Variants in CDK6 observed in about 807,000 individuals in gnomAD.
The protein encoded by CDK6 is cyclin-dependent kinase 6.
CDK6 carries 6 observed loss-of-function variants against 37.1 expected under a neutral mutation model. The ratio of observed to expected loss-of-function variants is 0.16; its 90% CI spans 0.09 to 0.32. The LOEUF (loss-of-function observed/expected upper bound fraction) is 0.32. Ranked by LOEUF, CDK6 falls within the 10% of genes least tolerant of loss-of-function variation. CDK6 has a pLI of 1.00. For missense variants in CDK6, 224 were observed against 418.9 expected (o/e 0.53, Z 4.06); for synonymous variants, 160 against 161.3 (o/e 0.99, Z 0.06).
intron 4 of CDK6, among the ~76,000 whole-genome samples, chr7:92,680,442 A>G (rs1019482792): frequency 8.0e-5 from 12 of 150,022 alleles, no homozygotes; most frequent in Middle Eastern, 6.8e-3. Context: ...TCAGAAAAAA[A>G]AAAAAAAAAA....
At chr7:92,627,669 G>A (rs1795958704) in intron 5 of CDK6, among the ~76,000 whole-genome samples, 1 of 151,388 alleles carries the variant, frequency 6.6e-6, no homozygotes, top group African/African-American at 2.4e-5. Context: ...TGGGTATGGC[G>A]TTTCTTTTTG....
At chr7:92,641,148 C>A (rs1440097634) in intron 5 of CDK6, among the ~76,000 whole-genome samples, 1 of 151,984 alleles carries the variant, frequency 6.6e-6, no homozygotes, top group East Asian at 1.9e-4. Context: ...TTTTTCTTTC[C>A]TCTTTCTTTT....
intron 4 of CDK6, among the ~76,000 whole-genome samples, chr7:92,698,327 CA>C (rs1424461458): frequency 6.6e-6 from 1 of 152,226 alleles, no homozygotes; most frequent in African/African-American, 2.4e-5. Context: ...AGGAATGTTA[CA>C]GGGGGGCCTC....
At chr7:92,756,732 C>A (rs1273002755) in intron 3 of CDK6, among the ~76,000 whole-genome samples, 1 of 152,120 alleles carries the variant, frequency 6.6e-6, no homozygotes, top group African/African-American at 2.4e-5. Context: ...CATTCTTTGG[C>A]CATCCTGTTA....
rs1795592154 is a variant in CDK6 at position 92,612,805 on chromosome 7, CA to C, written c.*2334del. The C allele has an allele frequency of 4.3e-6, 1 of 232,956 alleles. No homozygotes were observed. The highest frequency in any genetic ancestry group is 2.2e-5 in the African/African-American group (1 of 45,338). The allele number at this position is 232,956 out of a possible 1,614,324, so 14.4% of individuals were successfully genotyped here. A position where few individuals can be genotyped will look rare whatever the true frequency, so the allele number is the denominator to read the frequency against. ...ACTTATGAAAACACTTTTACAACAG[CA>C]AAAACTAAAGCTATGTTCACTCTAG... is the stretch of plus-strand genomic sequence containing the variant. On this transcript the variant is annotated 3_prime_UTR_variant, in exon 8 of 8. Transcript: ENST00000424848.
At chr7:92,657,957 A>T (rs1796742825) in intron 5 of CDK6, among the ~76,000 whole-genome samples, 1 of 152,152 alleles carries the variant, frequency 6.6e-6, no homozygotes, top group Admixed American at 6.6e-5. Context: ...CCTGAGCTCA[A>T]GTGATTCTCC....
At chr7:92,758,534 A>G (rs1048041806) in intron 3 of CDK6, among the ~76,000 whole-genome samples, 3 of 152,162 alleles carry the variant, frequency 2.0e-5, no homozygotes, top group Non-Finnish European at 2.9e-5. Context: ...TGGTTACTGC[A>G]GCCCTGTAGT....
At chr7:92,635,447 A>G (rs1796148153) in intron 5 of CDK6, among the ~76,000 whole-genome samples, 2 of 152,178 alleles carry the variant, frequency 1.3e-5, no homozygotes, top group South Asian at 4.1e-4. Context: ...CTCATCTGCT[A>G]AAAAACAGAT....
chr7:92,725,428 A>G (rs1366022325), intron 4 of CDK6, 198 bp downstream of exon 4: 1 of 729,720 alleles, frequency 1.4e-6, no homozygotes, highest in Non-Finnish European at 1.7e-6. Flanking sequence ...CCTGTCCACA[A>G]CAAGCCCAGG....
intron 5 of CDK6, among the ~76,000 whole-genome samples, chr7:92,633,747 C>T (rs929955551): frequency 5.3e-5 from 8 of 151,208 alleles, no homozygotes; most frequent in African/African-American, 1.7e-4. Context: ...TTTCCTTAAA[C>T]TGCCTTTGGA....
Position 92,609,638 on chromosome 7 carries a change from G to C in CDK6, c.*5502C>G, listed in dbSNP as rs990651999. 3 of 231,208 alleles carry C rather than the reference G, an allele frequency of 1.3e-5. No individual in the cohort carries two copies. Among genetic ancestry groups the C allele is most frequent in the Non-Finnish European group, 2.6e-5 (3 of 116,898 alleles). 14.3% of individuals were successfully genotyped at this position (231,208 alleles called of 1,614,324 possible). On this transcript the variant is annotated 3_prime_UTR_variant, in exon 8 of 8. Transcript: ENST00000424848. ...TTTAAAATTTAATCAATGTTGAAAGGCCACCATGCTAGGGAATTTGAAAGC... is the reference window on the plus strand; with the variant it reads ...TTTAAAATTTAATCAATGTTGAAAGCCCACCATGCTAGGGAATTTGAAAGC...
intron 2 of CDK6, among the ~76,000 whole-genome samples, chr7:92,783,683 A>G (rs1263885382): frequency 6.6e-6 from 1 of 152,188 alleles, no homozygotes; most frequent in African/African-American, 2.4e-5. Flanking sequence ...AATCCCCTAA[A>G]CTGGGCAAGT....
chr7:92,791,089 T>C (rs1800271164), intron 2 of CDK6, among the ~76,000 whole-genome samples: 1 of 152,124 alleles, frequency 6.6e-6, no homozygotes, highest in Non-Finnish European at 1.5e-5. Flanking sequence ...TCTAAGGAAT[T>C]GGCAGCAAGG....
At chr7:92,627,566 C>A (rs1399192562) in intron 5 of CDK6, among the ~76,000 whole-genome samples, 7 of 152,050 alleles carry the variant, frequency 4.6e-5, no homozygotes, top group Non-Finnish European at 1.0e-4. Context: ...TCCCAGCCTC[C>A]AGAACTGTGA....
chr7:92,651,348 G>C (rs1796569663), intron 5 of CDK6, among the ~76,000 whole-genome samples: 1 of 152,156 alleles, frequency 6.6e-6, no homozygotes, highest in Non-Finnish European at 1.5e-5. Flanking sequence ...AGATATATTA[G>C]GGGACCATTC....
chr7:92,650,428 T>G (rs1267014542), intron 5 of CDK6, among the ~76,000 whole-genome samples: 2 of 152,226 alleles, frequency 1.3e-5, no homozygotes, highest in African/African-American at 2.4e-5. Context: ...GTTGTTTTTT[T>G]TTGTTGTTGC....
intron 5 of CDK6, among the ~76,000 whole-genome samples, chr7:92,667,697 A>G (rs969619437): frequency 4.6e-5 from 7 of 151,864 alleles, no homozygotes; most frequent in African/African-American, 1.7e-4. Flanking sequence ...AACTACAGGC[A>G]CACACCACCA....
intron 5 of CDK6, among the ~76,000 whole-genome samples, chr7:92,634,009 C>T (rs1353640952): frequency 6.6e-6 from 1 of 152,080 alleles, no homozygotes. Context: ...TTTAACTTGG[C>T]AGTGTTTTTA....
chr7:92,722,459 G>A (rs1393021567), intron 4 of CDK6, among the ~76,000 whole-genome samples: 1 of 152,078 alleles, frequency 6.6e-6, no homozygotes, highest in East Asian at 1.9e-4. Context: ...TGTGAACTTG[G>A]GTTTGCGTCA....
Sources: allele counts gnomAD v4.1 joint callset (sites outside exome capture counted in the v4.1 genomes callset), GRCh38; gene constraint gnomAD v4.1.1; transcripts MANE v1.5; gene names NCBI Gene and HGNC (gene_info 2026-07-23, HGNC 2026-07-21).